Variants in SLC22A14 observed in about 807,000 individuals in gnomAD.
SLC22A14 encodes organic cation transporter-like 4.
Under a neutral mutation model 53.9 loss-of-function variants are expected in SLC22A14, and 50 were observed. The observed-to-expected ratio is 0.93, with a 90% CI of 0.74 to 1.17. The LOEUF (loss-of-function observed/expected upper bound fraction) is 1.17. Among genes scored for constraint, SLC22A14 ranks in the 50% most tolerant of loss-of-function variants. The pLI, the probability that SLC22A14 is intolerant of heterozygous loss-of-function variation, is 0.00. For missense variants in SLC22A14, 671 were observed against 734.7 expected, an observed-to-expected ratio of 0.91 and a Z score of 1.00; for synonymous variants, 312 against 303.0, an observed-to-expected ratio of 1.03 and a Z score of -0.31.
chr3:38,317,229 C>G (rs796694554), intron 10 of SLC22A14, among the ~76,000 whole-genome samples: 11 of 152,340 alleles, frequency 7.2e-5, no homozygotes, highest in African/African-American at 2.4e-4. Flanking sequence ...TGCCTCTGGC[C>G]TTTCTCTGCC....
chr3:38,308,963 G>A lies in SLC22A14; in HGVS notation c.785G>A (p.Trp262Ter), dbSNP rs1412445222. 6.2e-7 allele frequency: 1 copy of A among 1,613,896 alleles called. No homozygotes were observed. The highest frequency in any genetic ancestry group is 8.5e-7 in the Non-Finnish European group (1 of 1,179,896). ...AISSISLATE[W>*]LVGEHRAHAI... is the part of the protein sequence containing the mutation. Reference sequence around the variant, plus strand: ...CTTGGCCTCTGCACAGCCACTGAGTGGTTAGTGGGTGAGCACCGGGCCCAT... The same window carrying A: ...CTTGGCCTCTGCACAGCCACTGAGTAGTTAGTGGGTGAGCACCGGGCCCAT... Residue 262 changes from tryptophan (W) to a stop codon, truncating the protein, a stop_gained, in exon 5 of 11, where the codon TGG (tryptophan) becomes TAG (stop). Transcript: ENST00000448498. LOFTEE classifies it high-confidence loss of function.
chr3:38,307,651 CT>C lies in SLC22A14; in HGVS notation c.707del (p.Leu236ArgfsTer28). 4 of 1,614,030 alleles carry C rather than the reference CT, an allele frequency of 2.5e-6. No individual in the cohort carries two copies. The highest frequency in any genetic ancestry group is 3.4e-6 in the Non-Finnish European group (4 of 1,179,922). On this transcript the variant is annotated frameshift_variant, in exon 4 of 11. Transcript: ENST00000448498. LOFTEE classifies it high-confidence loss of function. The surrounding 1 kb of genome is among the most constrained non-coding windows in gnomAD (Gnocchi z 4.4). Reference sequence around the variant, plus strand: ...GACAGCCTTCATGAACAGCTTTCACCTGTATTTGTTCTTTCGCTTTGGCATC... The same window carrying C: ...GACAGCCTTCATGAACAGCTTTCACCGTATTTGTTCTTTCGCTTTGGCATC... ...FGTAFMNSFH[L>X]YLFFRFGISQ...
upstream of SLC22A14, among the ~76,000 whole-genome samples, chr3:38,279,928 A>C (rs558024979): frequency 1.6e-4 from 25 of 152,360 alleles, no homozygotes; most frequent in African/African-American, 6.0e-4. Context: ...TTGAGTTTGC[A>C]GGATGGTAGG....
chr3:38,313,095 C>T lies in SLC22A14; in HGVS notation c.1041C>T (p.Thr347=), dbSNP rs377398495. The change falls in exon 6 of 11, where the codon ACC becomes ACT. Residue 347 remains threonine, a synonymous_variant. Transcript: ENST00000448498. ...ACGCCGCAAGTGTGAACAAGAAGAC[C>T]ATTCCTTCAAATCTGCTGGACGAGG... ...LCYAASVNKK[T]IPSNLLDELQ... 6.3e-5 allele frequency: 101 copies of T among 1,609,160 alleles called. No homozygotes were observed. In the Admixed American group the frequency reaches 9.3e-4, roughly 15 times the overall value.
chr3:38,295,101 G>T (rs1054471665), intron 1 of SLC22A14, among the ~76,000 whole-genome samples: 10 of 152,198 alleles, frequency 6.6e-5, no homozygotes, highest in South Asian at 2.1e-4. Context: ...ACCCATTGTG[G>T]TTTTTTTCTC....
At chr3:38,313,603 G>A (rs2125891692) in intron 7 of SLC22A14, 118 bp downstream of exon 7, 1 of 932,132 alleles carries the variant, frequency 1.1e-6, no homozygotes, top group East Asian at 2.6e-5. Flanking sequence ...CAGATCACAG[G>A]TCTCTGTGCT....
chr3:38,296,920 C>G (rs1389989156), intron 1 of SLC22A14, among the ~76,000 whole-genome samples: 4 of 152,188 alleles, frequency 2.6e-5, no homozygotes, highest in African/African-American at 9.7e-5. Context: ...AGCGGTGGGT[C>G]TGTGACGGCG....
At chr3:38,305,636 C>A (rs374602706) in intron 1 of SLC22A14, 1 of 174,160 alleles carries the variant, frequency 5.7e-6, no homozygotes, top group East Asian at 1.6e-4. Flanking sequence ...CGATGCAGAT[C>A]TTTGTTTGTT....
chr3:38,285,752 T>C (rs1420678733), intron 1 of SLC22A14, among the ~76,000 whole-genome samples: 2 of 152,234 alleles, frequency 1.3e-5, no homozygotes, highest in Non-Finnish European at 2.9e-5. Context: ...TTTTGGTACT[T>C]ATTTCCTGGA....
At chr3:38,308,809 TGGAC>T in intron 4 of SLC22A14, 141 bp from the exon 5 acceptor site, 1 of 748,278 alleles carries the variant, frequency 1.3e-6, no homozygotes, top group Non-Finnish European at 2.3e-6. Flanking sequence ...GGGCTGTCTC[TGGAC>T]CCAGTGCAGA....
chr3:38,307,307 C>T lies in SLC22A14; in HGVS notation c.570C>T (p.Phe190=). The T allele has an allele frequency of 6.2e-7, 1 of 1,614,134 alleles. No individual in the cohort carries two copies. The highest frequency in any genetic ancestry group is 8.5e-7 in the Non-Finnish European group (1 of 1,179,978). Residue 190 remains phenylalanine, a synonymous_variant, in exon 3 of 11, where the codon TTC becomes TTT. Coordinates refer to ENST00000448498, the MANE Select transcript of SLC22A14 (RefSeq NM_001320033.2). This position sits in a 1 kb window ranked among gnomAD's most constrained non-coding sequence, Gnocchi z 4.4. The stretch of plus-strand genomic sequence containing the variant: ...AGAAGGACACTGCACAGATCATGTT[C>T]ATGGCAGGGCTCCCGATAGGCTCTC... ...ETKKDTAQIM[F]MAGLPIGSLI... is the part of the protein sequence containing the mutation.
intron 4 of SLC22A14, 104 bp from the exon 5 acceptor site, chr3:38,308,850 C>A: frequency 3.9e-6 from 4 of 1,037,666 alleles, no homozygotes; most frequent in Non-Finnish European, 5.8e-6. Flanking sequence ...TTTGCCTGAT[C>A]TCAACTGTCC....
intron 5 of SLC22A14, 117 bp downstream of exon 5, chr3:38,309,239 A>C (rs1704403672): frequency 1.1e-6 from 1 of 902,430 alleles, no homozygotes; most frequent in African/African-American, 1.6e-5. Context: ...GAGAAAGTGC[A>C]TGTGGATGGG....
intron 5 of SLC22A14, among the ~76,000 whole-genome samples, chr3:38,309,441 T>C (rs1431012087): frequency 6.6e-6 from 1 of 151,988 alleles, no homozygotes; most frequent in African/African-American, 2.4e-5. Context: ...TGGGAAAGGG[T>C]CTGCCAGCCT....
intron 10 of SLC22A14, among the ~76,000 whole-genome samples, chr3:38,317,517 G>T (rs2268750): frequency 0.095 from 14,455 of 152,238 alleles, 701 homozygotes; most frequent in East Asian, 0.18. Context: ...GGCTTTGAAG[G>T]ATGGATAGAA....
intron 1 of SLC22A14, among the ~76,000 whole-genome samples, chr3:38,288,199 G>A (rs1425403858): frequency 2.6e-5 from 4 of 152,108 alleles, no homozygotes; most frequent in Admixed American, 2.6e-4. Context: ...GTCCTTTTGT[G>A]ATTTGGTATT....
At chr3:38,313,690 G>GCGCGCGCA (rs747447735) in intron 7 of SLC22A14, 37 bp from the exon 8 acceptor site, 5 of 1,395,264 alleles carry the variant, frequency 3.6e-6, no homozygotes, top group East Asian at 2.3e-5. Flanking sequence ...GTGTGTGCGC[G>GCGCGCGCA]CGTGTGCACG....
At position 38,309,125 on chromosome 3, in the gene SLC22A14, G is replaced by T; in HGVS notation, c.944+3G>T. On this transcript the variant is annotated splice_donor_region_variant and intron_variant, in intron 5 of 10. Transcript: ENST00000448498. ...ATCCCCTTCATCTCCTATATCTGGT[G>T]AGCAAGCGAGTACCGGGCATGTACA... 1.2e-6 allele frequency: 2 copies of T among 1,613,562 alleles called. No individual in the cohort carries two copies. Among genetic ancestry groups the T allele is most frequent in the Non-Finnish European group, 1.7e-6 (2 of 1,179,462 alleles).
intron 2 of SLC22A14, among the ~76,000 whole-genome samples, chr3:38,306,981 C>G (rs1317634385): frequency 6.6e-6 from 1 of 152,228 alleles, no homozygotes; most frequent in Non-Finnish European, 1.5e-5. Flanking sequence ...AGGGTCTGCA[C>G]TGATTCCTGC....
Sources: gnomAD v4.1 joint callset for allele counts (sites outside exome capture counted in the v4.1 genomes callset) on GRCh38, gnomAD v4.1.1 for gene constraint, Gnocchi (gnomAD v3.1) non-coding constraint, MANE v1.5 for transcripts, NCBI Gene and HGNC (gene_info 2026-07-23, HGNC 2026-07-21) for gene names.